NEGR1: variants seen among roughly 807,000 people sequenced by gnomAD.
The protein encoded by NEGR1 is neuronal growth regulator 1.
Under a neutral mutation model 40.9 loss-of-function variants are expected in NEGR1, and 10 were observed. That is an observed-to-expected ratio of 0.24 (90% CI 0.15 to 0.42). The LOEUF (loss-of-function observed/expected upper bound fraction) is 0.42, where lower values mean the gene tolerates loss of function less well. Ranked by LOEUF, NEGR1 falls within the 10% of genes least tolerant of loss-of-function variation. The pLI is 1.00. For synonymous variants in NEGR1, 185 were observed against 166.8 expected, an observed-to-expected ratio of 1.11 and a Z score of -0.84; for missense variants, 352 against 438.9, an observed-to-expected ratio of 0.80 and a Z score of 1.77.
At chr1:72,082,284 T>C (rs939413925) in intron 1 of NEGR1, among the ~76,000 whole-genome samples, 1 of 152,136 alleles carries the variant, frequency 6.6e-6, no homozygotes, top group African/African-American at 2.4e-5. Flanking sequence ...GCTATTATTA[T>C]GCACACAATT....
intron 2 of NEGR1, among the ~76,000 whole-genome samples, chr1:71,880,553 AT>A (rs1319577313): frequency 2.6e-5 from 4 of 151,824 alleles, no homozygotes; most frequent in Non-Finnish European, 5.9e-5. Context: ...GGAAACATTT[AT>A]TTTTTTTAAC....
chr1:71,834,997 T>A (rs1027684740), intron 2 of NEGR1, among the ~76,000 whole-genome samples: 14 of 151,986 alleles, frequency 9.2e-5, no homozygotes, highest in African/African-American at 3.1e-4. Flanking sequence ...GCTGGGCAGT[T>A]CTGCCAATCT....
chr1:72,222,166 A>G (rs147490498), intron 1 of NEGR1, among the ~76,000 whole-genome samples: 1 of 152,084 alleles, frequency 6.6e-6, no homozygotes, highest in South Asian at 2.1e-4. Context: ...GTCAGCCCCT[A>G]TGGAAATAGG....
At chr1:72,127,738 C>T (rs1184839750) in intron 1 of NEGR1, among the ~76,000 whole-genome samples, 1 of 152,054 alleles carries the variant, frequency 6.6e-6, no homozygotes, top group African/African-American at 2.4e-5. Context: ...CTCTGGAAGA[C>T]ACATAGTTCA....
chr1:71,597,744 T>C (rs1649772668), intron 5 of NEGR1, among the ~76,000 whole-genome samples: 1 of 151,520 alleles, frequency 6.6e-6, no homozygotes, highest in Non-Finnish European at 1.5e-5. Flanking sequence ...TCGTTTCTAC[T>C]AAAAATACAA....
chr1:71,410,986 C>T (rs541164034), intron 6 of NEGR1, among the ~76,000 whole-genome samples: 22 of 152,268 alleles, frequency 1.4e-4, no homozygotes, highest in African/African-American at 4.1e-4. Context: ...CCCTGTATTA[C>T]TTAGTAACTG....
At chr1:71,520,226 T>C (rs776354425) in intron 6 of NEGR1, among the ~76,000 whole-genome samples, 12 of 152,062 alleles carry the variant, frequency 7.9e-5, no homozygotes, top group Non-Finnish European at 1.5e-4. Context: ...ACTGAGATAA[T>C]GGATTTAAAA....
At chr1:71,485,936 C>G (rs935463841) in intron 6 of NEGR1, among the ~76,000 whole-genome samples, 5 of 151,614 alleles carry the variant, frequency 3.3e-5, no homozygotes, top group African/African-American at 1.2e-4. Flanking sequence ...AATTTTTCAA[C>G]TCCTTAAGGT....
In NEGR1 at chr1:72,231,751, C is replaced by T. The variant is rs570298756; in HGVS notation, c.176+50568G>A. ...CATGTTACATTATCACATGATTTTC[C>T]GAGTGTAGATGGTGCTTACATAATT... On this transcript the variant is annotated intron_variant, in intron 1 of 6. Coordinates refer to ENST00000357731, the MANE Select transcript of NEGR1 (RefSeq NM_173808.3). Among the ~76,000 whole-genome samples, 21 of 152,052 alleles carry T rather than the reference C, an allele frequency of 1.4e-4. No individual in the cohort carries two copies. The South Asian group carries it at 3.7e-3, about 27-fold the overall frequency.
At chr1:71,920,509 A>G (rs755072886) in intron 2 of NEGR1, among the ~76,000 whole-genome samples, 2 of 152,160 alleles carry the variant, frequency 1.3e-5, no homozygotes, top group African/African-American at 2.4e-5. Context: ...TATGTGCCCT[A>G]TATATACATC....
chr1:71,602,729 A>G (rs529832251), intron 5 of NEGR1, among the ~76,000 whole-genome samples: 35 of 152,228 alleles, frequency 2.3e-4, no homozygotes, highest in African/African-American at 7.7e-4. Flanking sequence ...TTTCTTACTT[A>G]GTACTTATTT....
At chr1:72,019,003 G>T (rs566383764) in intron 1 of NEGR1, among the ~76,000 whole-genome samples, 1 of 152,086 alleles carries the variant, frequency 6.6e-6, no homozygotes, top group Non-Finnish European at 1.5e-5. Context: ...GAGGGCTTTG[G>T]GGGGATGGTC....
chr1:71,567,925 G>C (rs1042078438), intron 6 of NEGR1, among the ~76,000 whole-genome samples: 2 of 151,972 alleles, frequency 1.3e-5, no homozygotes, highest in Non-Finnish European at 2.9e-5. Context: ...ACCTGGAAGA[G>C]GGCCCTCACC....
At chr1:71,509,361 A>G (rs1165428656) in intron 6 of NEGR1, among the ~76,000 whole-genome samples, 1 of 152,206 alleles carries the variant, frequency 6.6e-6, no homozygotes, top group African/African-American at 2.4e-5. Flanking sequence ...TTTATAGGAA[A>G]TATGAACCAC....
chr1:71,556,396 A>C lies in NEGR1; in HGVS notation c.940+36421T>G, dbSNP rs1648253040. Among the ~76,000 whole-genome samples the C allele has an allele frequency of 1.3e-5, 2 of 151,622 alleles. 1 individual carries two copies. The highest frequency in any genetic ancestry group is 4.8e-5 in the African/African-American group (2 of 41,378). On this transcript the variant is annotated intron_variant, in intron 6 of 6. Transcript: ENST00000357731. The stretch of plus-strand genomic sequence containing the variant: ...AGGTACACACAGCTCAGTTAGTTAA[A>C]GAGAAAGAATTTCTTGAAGGTCTGA...
chr1:72,224,638 G>C (rs980736147), intron 1 of NEGR1, among the ~76,000 whole-genome samples: 2 of 151,926 alleles, frequency 1.3e-5, no homozygotes, highest in Middle Eastern at 3.2e-3. Context: ...GGTTACTCAG[G>C]TAGAGTATTG....
At chr1:71,740,017 T>G (rs916963457) in intron 3 of NEGR1, among the ~76,000 whole-genome samples, 2 of 152,208 alleles carry the variant, frequency 1.3e-5, no homozygotes, top group Non-Finnish European at 2.9e-5. Flanking sequence ...ACAGAAAGAT[T>G]ATTAACAAGT....
intron 4 of NEGR1, among the ~76,000 whole-genome samples, chr1:71,673,371 C>G (rs1470171140): frequency 6.6e-6 from 1 of 152,138 alleles, no homozygotes; most frequent in African/African-American, 2.4e-5. Context: ...CACACTTTAT[C>G]AATTCAACAT....
At chr1:71,435,904 G>A (rs1430446382) in intron 6 of NEGR1, among the ~76,000 whole-genome samples, 1 of 152,182 alleles carries the variant, frequency 6.6e-6, no homozygotes, top group African/African-American at 2.4e-5. Context: ...CATCAGAGTG[G>A]TCTGCTTCCT....
Sources: allele counts gnomAD v4.1 joint callset (sites outside exome capture counted in the v4.1 genomes callset), GRCh38; gene constraint gnomAD v4.1.1; transcripts MANE v1.5; gene names NCBI Gene and HGNC (gene_info 2026-07-23, HGNC 2026-07-21).